SEPTIN2: variants seen among roughly 807,000 people sequenced by gnomAD.
The protein encoded by SEPTIN2 is septin 2.
In SEPTIN2, 34 loss-of-function variants were observed where a neutral mutation model predicts 46.5. The observed-to-expected ratio is 0.73, with a 90% CI of 0.56 to 0.97. The LOEUF (loss-of-function observed/expected upper bound fraction) is 0.97. Ranked by LOEUF, SEPTIN2 falls within the 50% of genes least tolerant of loss-of-function variation. The probability of loss-of-function intolerance (pLI) is 0.00; values close to 1 mark genes in which losing one functional copy is unlikely to be tolerated. For synonymous variants in SEPTIN2, 175 were observed against 153.4 expected (o/e 1.14, Z -1.04); for missense variants, 347 against 448.4 (o/e 0.77, Z 2.04).
rs1265515834 is a variant in SEPTIN2, at chr2:241,337,402, A to G, written c.362A>G (p.Tyr121Cys). 6.2e-7 allele frequency: 1 copy of G among 1,613,980 alleles called. No homozygotes were observed. Among genetic ancestry groups the G allele is most frequent in the East Asian group, 2.2e-5 (1 of 44,878 alleles). The change falls in exon 6 of 13, where the codon TAT becomes TGT. Residue 121 changes from tyrosine (Y) to cysteine (C), a missense_variant. Transcript: ENST00000391971. ...CTCAGTTTTAAGACAATTATCTCCT[A>G]TATTGATGAGCAATTTGAGAGGTAC... ...CRDCFKTIIS[Y>C]IDEQFERYLH...
At chr2:241,335,440 G>A in intron 4 of SEPTIN2, 4 of 1,187,348 alleles carry the variant, frequency 3.4e-6, no homozygotes, top group Non-Finnish European at 4.9e-6. Flanking sequence ...GAGTTTGTCT[G>A]TAAAATGTAA....
At chr2:241,317,980 C>G (rs1192010335) in intron 1 of SEPTIN2, among the ~76,000 whole-genome samples, 2 of 152,144 alleles carry the variant, frequency 1.3e-5, no homozygotes, top group African/African-American at 4.8e-5. Context: ...AATCACAGTG[C>G]TTGGCAGTTT....
At chr2:241,324,390 T>A in intron 2 of SEPTIN2, 149 bp downstream of exon 2, 3 of 13,816 alleles carry the variant, frequency 2.2e-4, no homozygotes, top group Non-Finnish European at 4.0e-4. Context: ...TTAGTTGTCT[T>A]TTTTTTTTTT....
intron 9 of SEPTIN2, among the ~76,000 whole-genome samples, chr2:241,344,585 C>G (rs2081732897): frequency 1.3e-5 from 2 of 152,058 alleles, no homozygotes; most frequent in South Asian, 4.2e-4. Context: ...ACCTGTAATC[C>G]CAGCTACTCA....
intron 3 of SEPTIN2, 24 bp from the exon 4 acceptor site, chr2:241,335,102 C>A (rs747514046): frequency 3.9e-6 from 6 of 1,547,476 alleles, no homozygotes; most frequent in Non-Finnish European, 4.5e-6. Flanking sequence ...AAGGTCATGA[C>A]AAGGTTTTTC....
intron 1 of SEPTIN2, chr2:241,318,304 CTG>C (rs1425754623): frequency 6.6e-6 from 1 of 152,176 alleles, no homozygotes; most frequent in Admixed American, 6.5e-5. Flanking sequence ...CTATGTTGCA[CTG>C]TGTGGGTTTG....
chr2:241,338,970 TATA>T (rs1226177040), intron 7 of SEPTIN2, among the ~76,000 whole-genome samples: 12 of 85,150 alleles, frequency 1.4e-4, no homozygotes, highest in East Asian at 3.0e-4. Flanking sequence ...ATATTATAAA[TATA>T]ATATATAAAT....
intron 7 of SEPTIN2, among the ~76,000 whole-genome samples, chr2:241,338,955 AAT>A (rs1287377170): frequency 1.3e-4 from 13 of 99,702 alleles, no homozygotes; most frequent in South Asian, 2.6e-4. Context: ...TTATATATAT[AAT>A]ATATATTATA....
At chr2:241,316,202 A>C (rs1481454453) in intron 1 of SEPTIN2, 1 of 313,816 alleles carries the variant, frequency 3.2e-6, no homozygotes. Flanking sequence ...AGTGGCTCCG[A>C]CACGGGCAGG....
intron 7 of SEPTIN2, among the ~76,000 whole-genome samples, chr2:241,338,866 A>G (rs1173941523): frequency 6.7e-5 from 3 of 44,978 alleles, no homozygotes; most frequent in Admixed American, 2.9e-4. Flanking sequence ...ATAAAAATAT[A>G]TATATTTAAT....
chr2:241,324,133 G>A, intron 1 of SEPTIN2, 83 bp from the exon 2 acceptor site: 1 of 1,299,432 alleles, frequency 7.7e-7, no homozygotes, highest in Non-Finnish European at 1.1e-6. Flanking sequence ...CTTCAGGTCA[G>A]TTCACGCTGT....
intron 12 of SEPTIN2, among the ~76,000 whole-genome samples, chr2:241,350,723 G>A (rs367729766): frequency 5.1e-4 from 77 of 152,218 alleles, no homozygotes; most frequent in African/African-American, 1.8e-3. Context: ...CCGACTGATG[G>A]TCATTAGTGA....
At chr2:241,325,837 G>T in intron 2 of SEPTIN2, 156 bp from the exon 3 acceptor site, 4 of 582,682 alleles carry the variant, frequency 6.9e-6, no homozygotes, top group African/African-American at 1.9e-5. Context: ...AATACTACTG[G>T]TTTTCTGATA....
chr2:241,316,913 C>T (rs189883218), intron 1 of SEPTIN2: 12 of 182,306 alleles, frequency 6.6e-5, no homozygotes, highest in Admixed American at 6.2e-4. Context: ...AGATTTCCTC[C>T]AGACAGGCTT....
At chr2:241,334,815 A>G (rs1284305205) in intron 3 of SEPTIN2, among the ~76,000 whole-genome samples, 1 of 152,168 alleles carries the variant, frequency 6.6e-6, no homozygotes, top group Non-Finnish European at 1.5e-5. Context: ...ATAAAAACCA[A>G]CCTCTAAAGT....
intron 1 of SEPTIN2, among the ~76,000 whole-genome samples, chr2:241,322,109 A>G (rs1010346868): frequency 3.3e-5 from 5 of 152,174 alleles, no homozygotes; most frequent in Non-Finnish European, 7.3e-5. Context: ...CAAAAGGGAA[A>G]CAGAGGACAC....
chr2:241,335,018 G>A (rs942758148), intron 3 of SEPTIN2, 108 bp from the exon 4 acceptor site: 4 of 693,772 alleles, frequency 5.8e-6, no homozygotes, highest in African/African-American at 5.4e-5. Flanking sequence ...AACACAGAAT[G>A]ATGTTTGTGA....
At chr2:241,336,176 G>A in intron 5 of SEPTIN2, 78 bp downstream of exon 5, 2 of 1,403,438 alleles carry the variant, frequency 1.4e-6, no homozygotes, top group Non-Finnish European at 1.9e-6. Context: ...GTTAATGAGT[G>A]ATTATTAAGT....
chr2:241,352,509 C>T lies in SEPTIN2; in HGVS notation c.*572C>T, dbSNP rs368793774. On this transcript the variant is annotated 3_prime_UTR_variant, in exon 13 of 13. Transcript: ENST00000391971. ...CTATAATTCTATACTGTTGATTCGT[C>T]TGCGATTTTATCTGTTAACCAAATA... is the stretch of plus-strand genomic sequence containing the variant. 3 of 152,754 alleles carry T rather than the reference C, an allele frequency of 2.0e-5. No homozygotes were observed. Among genetic ancestry groups the T allele is most frequent in the African/African-American group, 7.2e-5 (3 of 41,568 alleles). 9.5% of individuals were successfully genotyped at this position (152,754 alleles called of 1,614,324 possible). A position where few individuals can be genotyped will look rare whatever the true frequency, so the allele number is the denominator to read the frequency against.
Sources: gnomAD v4.1 joint callset for allele counts (sites outside exome capture counted in the v4.1 genomes callset) on GRCh38, gnomAD v4.1.1 for gene constraint, MANE v1.5 for transcripts, NCBI Gene and HGNC (gene_info 2026-07-23, HGNC 2026-07-21) for gene names.